The following SUGCT variants were observed in gnomAD, a reference collection of about 807,000 sequenced individuals.
The protein encoded by SUGCT is succinyl-CoA:glutarate-CoA transferase.
In SUGCT, 41 loss-of-function variants were observed where a neutral mutation model predicts 55.0. The ratio of observed to expected loss-of-function variants is 0.74; its 90% CI spans 0.58 to 0.97. The LOEUF (loss-of-function observed/expected upper bound fraction) is 0.97. Among genes scored for constraint, SUGCT ranks in the 50% least tolerant of loss-of-function variants. SUGCT has a pLI of 0.00. For synonymous variants in SUGCT, 187 were observed against 200.4 expected (o/e 0.93, Z 0.56); for missense variants, 568 against 547.8 (o/e 1.04, Z -0.37).
chr7:40,518,955 A>G (rs889794493), intron 12 of SUGCT, among the ~76,000 whole-genome samples: 7 of 152,126 alleles, frequency 4.6e-5, no homozygotes, highest in African/African-American at 1.7e-4. Context: ...AGGGAATATA[A>G]TAAGTTTTCT....
At chr7:40,582,833 T>A (rs1003522828) in intron 12 of SUGCT, among the ~76,000 whole-genome samples, 26 of 152,164 alleles carry the variant, frequency 1.7e-4, no homozygotes, top group Admixed American at 1.5e-3. Context: ...ATATATTAGC[T>A]CTGTATCCAA....
chr7:40,148,534 C>T (rs138102552), intron 1 of SUGCT, among the ~76,000 whole-genome samples: 1 of 152,128 alleles, frequency 6.6e-6, no homozygotes, highest in Non-Finnish European at 1.5e-5. Context: ...ATCCCAGCTA[C>T]TCAGGCAGCT....
intron 7 of SUGCT, among the ~76,000 whole-genome samples, chr7:40,274,040 C>CT (rs1792290013): frequency 1.6e-5 from 2 of 124,450 alleles, no homozygotes; most frequent in South Asian, 5.4e-4. Flanking sequence ...TATTGGTGTG[C>CT]TTACAAGGAG....
the SUGCT span, among the ~76,000 whole-genome samples, chr7:40,868,914 C>T: frequency 6.6e-6 from 1 of 152,044 alleles, no homozygotes; most frequent in Non-Finnish European, 1.5e-5. Context: ...CAAAAAATGC[C>T]AAAAATAGTA....
rs553632732 is a variant in SUGCT, at chr7:40,489,487, C to T, written c.987-6797C>T. Among the ~76,000 whole-genome samples the T allele has an allele frequency of 5.2e-4, 79 of 152,166 alleles. No individual in the cohort carries two copies. In the Middle Eastern group the frequency reaches 0.014, roughly 26 times the overall value. Reference sequence around the variant, plus strand: ...CCTGAGGTCAAGAGATAGAGACCATCCTGGACAATATGGTGAAATCCCATC... The same window carrying T: ...CCTGAGGTCAAGAGATAGAGACCATTCTGGACAATATGGTGAAATCCCATC... On this transcript the variant is annotated intron_variant, in intron 11 of 13. Coordinates refer to ENST00000335693, the MANE Select transcript of SUGCT (RefSeq NM_001193313.2).
chr7:40,447,395 G>A (rs1583699541), intron 9 of SUGCT, among the ~76,000 whole-genome samples: 1 of 152,142 alleles, frequency 6.6e-6, no homozygotes, highest in East Asian at 1.9e-4. Context: ...GATGAACTTG[G>A]ACAGAGCCTG....
intron 12 of SUGCT, among the ~76,000 whole-genome samples, chr7:40,511,603 T>G (rs1167684066): frequency 6.6e-6 from 1 of 152,206 alleles, no homozygotes; most frequent in Non-Finnish European, 1.5e-5. Flanking sequence ...ATGTGAAAAC[T>G]TCACTTTACA....
At chr7:40,615,560 G>A (rs1432372103) in intron 12 of SUGCT, among the ~76,000 whole-genome samples, 1 of 152,092 alleles carries the variant, frequency 6.6e-6, no homozygotes, top group Admixed American at 6.6e-5. Context: ...TTACAGAATG[G>A]GTACCCAACA....
Position 40,274,580 on chromosome 7 carries a change from C to G in SUGCT, c.644C>G (p.Ala215Gly). The change falls in exon 8 of 14, where the codon GCT (alanine) becomes GGT (glycine). Residue 215 changes from alanine (A) to glycine (G), a missense_variant. Ala to Gly is a moderately conservative substitution (Grantham distance 60). Transcript: ENST00000335693. The stretch of plus-strand genomic sequence containing the variant: ...GCCACTGGCCTGTATGCATATGGAG[C>G]TATTATGGCTGGATTGATACAAAAA... Reference protein sequence around the residue: ...DLATGLYAYGAIMAGLIQKYK... With the variant: ...DLATGLYAYGGIMAGLIQKYK... The G allele has an allele frequency of 6.2e-7, 1 of 1,613,570 alleles. No homozygotes were observed. Among genetic ancestry groups the G allele is most frequent in the East Asian group, 2.2e-5 (1 of 44,850 alleles).
At chr7:40,786,207 A>G (rs2128741898) in intron 13 of SUGCT, among the ~76,000 whole-genome samples, 1 of 152,350 alleles carries the variant, frequency 6.6e-6, no homozygotes, top group African/African-American at 2.4e-5. Context: ...AAATTTGAGC[A>G]TGTGATTTCA....
intron 12 of SUGCT, among the ~76,000 whole-genome samples, chr7:40,664,655 A>G (rs1801508688): frequency 6.6e-6 from 1 of 152,202 alleles, no homozygotes; most frequent in Non-Finnish European, 1.5e-5. Flanking sequence ...TAAATGTGCA[A>G]TGATGCTTAT....
intron 13 of SUGCT, among the ~76,000 whole-genome samples, chr7:40,757,008 A>AT (rs958689948): frequency 3.2e-4 from 49 of 152,066 alleles, no homozygotes; most frequent in African/African-American, 1.1e-3. Flanking sequence ...GTCCTCAATT[A>AT]TTTTTTTACC....
Position 40,860,407 on chromosome 7 carries a change from C to T in SUGCT, c.1245C>T (p.Val415=). 6.2e-7 allele frequency: 1 copy of T among 1,613,966 alleles called. No homozygotes were observed. Among genetic ancestry groups the T allele is most frequent in the Non-Finnish European group, 8.5e-7 (1 of 1,179,852 alleles). Residue 415 remains valine, a synonymous_variant, in exon 14 of 14, where the codon GTC becomes GTT. Coordinates refer to ENST00000335693, the MANE Select transcript of SUGCT (RefSeq NM_001193313.2). ...ACACAACGCACATCCTGAAGGAGGT[C>T]CTGAGATACGATGACAGGGCCATCG... ...GQHTTHILKE[V]LRYDDRAIGE... is the part of the protein sequence containing the mutation.
chr7:40,653,040 C>CTCAGCG (rs1307197194), intron 12 of SUGCT, among the ~76,000 whole-genome samples: 2 of 152,166 alleles, frequency 1.3e-5, no homozygotes, highest in African/African-American at 4.8e-5. Flanking sequence ...CTTTTTAGGA[C>CTCAGCG]TCAGCTTCAG....
chr7:40,198,330 A>G (rs1170470051), intron 6 of SUGCT, among the ~76,000 whole-genome samples: 1 of 152,180 alleles, frequency 6.6e-6, no homozygotes, highest in Non-Finnish European at 1.5e-5. Flanking sequence ...CCATACTTAG[A>G]CATATCAATA....
At chr7:40,970,234 C>A in the SUGCT span, among the ~76,000 whole-genome samples, 1 of 152,014 alleles carries the variant, frequency 6.6e-6, no homozygotes, top group African/African-American at 2.4e-5. Context: ...TGCAATGACG[C>A]GATGTCAACT....
chr7:40,267,945 C>A (rs1791714597), intron 7 of SUGCT, among the ~76,000 whole-genome samples: 1 of 152,116 alleles, frequency 6.6e-6, no homozygotes, highest in Non-Finnish European at 1.5e-5. Context: ...AATAAAACTT[C>A]ATTGAAATAA....
chr7:40,627,406 G>C (rs898994164), intron 12 of SUGCT, among the ~76,000 whole-genome samples: 2 of 152,182 alleles, frequency 1.3e-5, no homozygotes, highest in South Asian at 2.1e-4. Context: ...AGTCTGATTG[G>C]TTGTGGAAAG....
chr7:40,595,643 A>C (rs79780175), intron 12 of SUGCT, among the ~76,000 whole-genome samples: 1 of 104,248 alleles, frequency 9.6e-6, no homozygotes, highest in Admixed American at 1.1e-4. Context: ...TTCATGCCAC[A>C]AAAAAAAAAA....
Sources: allele counts gnomAD v4.1 joint callset (sites outside exome capture counted in the v4.1 genomes callset), GRCh38; gene constraint gnomAD v4.1.1; transcripts MANE v1.5; gene names NCBI Gene and HGNC (gene_info 2026-07-23, HGNC 2026-07-21).